The following ITPR1 variants were observed in gnomAD, a reference collection of about 807,000 sequenced individuals.
The protein encoded by ITPR1 is inositol 1,4,5-trisphosphate-gated calcium channel ITPR1.
ITPR1 carries 96 observed loss-of-function variants against 318.4 expected under a neutral mutation model. That is an observed-to-expected ratio of 0.30 (90% confidence interval 0.26 to 0.36). The LOEUF is 0.36. Among genes scored for constraint, ITPR1 ranks in the 10% least tolerant of loss-of-function variants. The pLI, the probability that ITPR1 is intolerant of heterozygous loss-of-function variation, is 1.00. For missense variants in ITPR1, 2,440 were observed against 3,460.2 expected (o/e 0.71, Z 7.40); for synonymous variants, 1,312 against 1,289.9 (o/e 1.02, Z -0.37).
intron 5 of ITPR1, among the ~76,000 whole-genome samples, chr3:4,635,218 A>G (rs1009186286): frequency 6.6e-6 from 1 of 152,280 alleles, no homozygotes; most frequent in Admixed American, 6.5e-5. Context: ...TTGTCCTCTT[A>G]GGAGAAACTC....
intron 4 of ITPR1, among the ~76,000 whole-genome samples, chr3:4,554,264 G>C (rs930842477): frequency 6.6e-6 from 1 of 152,200 alleles, no homozygotes; most frequent in Non-Finnish European, 1.5e-5. Context: ...ACTGATACCT[G>C]TGAGCTTAGC....
chr3:4,831,838 A>G (rs1213692158), intron 60 of ITPR1, among the ~76,000 whole-genome samples: 2 of 152,198 alleles, frequency 1.3e-5, no homozygotes, highest in African/African-American at 4.8e-5. Flanking sequence ...AAGTAATTGG[A>G]TTCAGGTGTT....
Position 4,645,406 on chromosome 3 carries a change from A to T in ITPR1, c.644A>T (p.Asn215Ile), listed in dbSNP as rs746335691. 6.2e-7 allele frequency: 1 copy of T among 1,613,240 alleles called. No homozygotes were observed. Among genetic ancestry groups the T allele is most frequent in the South Asian group, 1.1e-5 (1 of 90,992 alleles). ...GCNEVNSVNC[N>I]TSWKIVLFMK... ...TTTCAGGTCAATTCCGTCAACTGCA[A>T]TACAAGCTGGAAAATAGTCCTTTTC... The change falls in exon 9 of 62, where the codon AAT (asparagine) becomes ATT (isoleucine). Residue 215 changes from asparagine to isoleucine, a missense_variant. Asn to Ile is a moderately radical substitution (Grantham distance 149, BLOSUM62 -3). This residue lies in a region of ITPR1 where 186 missense variants were observed against 323.9 expected (regional missense o/e 0.57). Coordinates refer to ENST00000649015, the MANE Select transcript of ITPR1 (RefSeq NM_001378452.1).
At chr3:4,659,900 C>G (rs564504123) in intron 13 of ITPR1, among the ~76,000 whole-genome samples, 18 of 152,030 alleles carry the variant, frequency 1.2e-4, no homozygotes, top group African/African-American at 4.3e-4. Flanking sequence ...ATTAACTAGT[C>G]CATTATTGAG....
intron 37 of ITPR1, among the ~76,000 whole-genome samples, chr3:4,709,491 T>G (rs1203980680): frequency 6.6e-6 from 1 of 152,262 alleles, no homozygotes; most frequent in Non-Finnish European, 1.5e-5. Context: ...CAGGCCTTCC[T>G]GTATTATCCA....
intron 38 of ITPR1, chr3:4,711,523 G>C (rs898372184): frequency 2.8e-5 from 14 of 494,828 alleles, no homozygotes; most frequent in Non-Finnish European, 4.7e-5. Flanking sequence ...ATTGTATGTG[G>C]CTGACTCCTG....
rs760519532 is a variant in ITPR1 at position 4,516,456 on chromosome 3, G to A, written c.-16-20G>A. 1.3e-5 allele frequency: 16 copies of A among 1,217,194 alleles called. No individual in the cohort carries two copies. The highest frequency in any genetic ancestry group is 1.6e-5 in the African/African-American group (1 of 63,870). The allele number at this position is 1,217,194 out of a possible 1,614,324, so 75.4% of individuals were successfully genotyped here. On this transcript the variant is annotated intron_variant, in intron 2 of 61. Coordinates refer to ENST00000649015, the MANE Select transcript of ITPR1 (RefSeq NM_001378452.1). ...ACATTTCTTTTCTTCTAACAATGCT[G>A]CATATTTTACTTTGTCTAGGATTTT...
At chr3:4,626,061 TC>T (rs2092816067) in intron 4 of ITPR1, among the ~76,000 whole-genome samples, 1 of 152,054 alleles carries the variant, frequency 6.6e-6, no homozygotes, top group Admixed American at 6.5e-5. Context: ...ATGGCTTCAG[TC>T]CAGGAGTTCC....
chr3:4,748,376 A>G (rs1309526911), intron 44 of ITPR1, among the ~76,000 whole-genome samples: 1 of 152,186 alleles, frequency 6.6e-6, no homozygotes, highest in African/African-American at 2.4e-5. Flanking sequence ...CTGAGAAGCA[A>G]GTAGTCACTG....
intron 4 of ITPR1, among the ~76,000 whole-genome samples, chr3:4,595,452 C>T (rs547642649): frequency 6.6e-6 from 1 of 152,292 alleles, no homozygotes; most frequent in East Asian, 1.9e-4. Flanking sequence ...AGGATCCACC[C>T]CTGTGATCCA....
intron 5 of ITPR1, 58 bp downstream of exon 5, chr3:4,627,936 T>G (rs2092892344): frequency 9.5e-7 from 1 of 1,048,268 alleles, no homozygotes; most frequent in Non-Finnish European, 1.4e-6. Flanking sequence ...CTTGGTGGTA[T>G]CTGGGTGTAA....
intron 4 of ITPR1, among the ~76,000 whole-genome samples, chr3:4,612,732 C>T (rs2092209739): frequency 6.6e-6 from 1 of 151,970 alleles, no homozygotes; most frequent in African/African-American, 2.4e-5. Flanking sequence ...ACTAAAAATA[C>T]AAAAATTAGC....
intron 60 of ITPR1, among the ~76,000 whole-genome samples, chr3:4,820,000 G>A (rs576982340): frequency 8.5e-5 from 13 of 152,290 alleles, no homozygotes; most frequent in Non-Finnish European, 1.5e-4. Flanking sequence ...TAATCATGTC[G>A]TTGATAGGAA....
rs2081969417 is a variant in ITPR1 at position 4,513,342 on chromosome 3, G to A, written c.-16-3134G>A. Among the ~76,000 whole-genome samples the A allele has an allele frequency of 2.0e-5, 3 of 152,196 alleles. No individual in the cohort carries two copies. The South Asian group carries it at 6.2e-4, about 32-fold the overall frequency. ...TCTCCTTCCTCCACTTCACTAAGGC[G>A]AGGCCGGAGGAGATCTCCAGAGGTT... On this transcript the variant is annotated intron_variant, in intron 2 of 61. Transcript: ENST00000649015.
At chr3:4,592,908 C>T (rs1448910046) in intron 4 of ITPR1, among the ~76,000 whole-genome samples, 1 of 152,044 alleles carries the variant, frequency 6.6e-6, no homozygotes, top group Non-Finnish European at 1.5e-5. Flanking sequence ...GAGACTGGTT[C>T]CCTTAGGAAA....
intron 60 of ITPR1, among the ~76,000 whole-genome samples, chr3:4,836,375 T>C (rs1419882484): frequency 6.6e-6 from 1 of 152,148 alleles, no homozygotes; most frequent in Non-Finnish European, 1.5e-5. Context: ...GCCACTAAAC[T>C]GTATGCTTAA....
In ITPR1 at chr3:4,667,397, T is replaced by C. The variant is rs1013609203; in HGVS notation, c.1734T>C (p.Phe578=). The change falls in exon 18 of 62, where the codon TTT becomes TTC. Residue 578 remains phenylalanine (F), a synonymous_variant. Transcript: ENST00000649015. ...RKNQEYIAKQ[F]GFMQKQIGYD... Reference sequence around the variant, plus strand: ...TAAAGGAGTATATAGCCAAGCAGTTTGGCTTCATGCAGAAGCAGATTGGCT... The same window carrying C: ...TAAAGGAGTATATAGCCAAGCAGTTCGGCTTCATGCAGAAGCAGATTGGCT... 1.8e-5 allele frequency: 29 copies of C among 1,610,866 alleles called. No individual in the cohort carries two copies. Among genetic ancestry groups the C allele is most frequent in the Non-Finnish European group, 2.2e-5 (26 of 1,178,480 alleles).
chr3:4,840,289 A>G (rs2051248149), intron 61 of ITPR1, among the ~76,000 whole-genome samples: 1 of 152,158 alleles, frequency 6.6e-6, no homozygotes, highest in Non-Finnish European at 1.5e-5. Context: ...AGTAATTGTG[A>G]GAATTCTTGC....
intron 43 of ITPR1, 110 bp downstream of exon 43, chr3:4,733,330 C>T (rs1472068272): frequency 1.5e-6 from 2 of 1,312,854 alleles, no homozygotes; most frequent in Non-Finnish European, 2.1e-6. Context: ...ATTTGTGTTG[C>T]AGGTGTATTT....
Sources: allele counts gnomAD v4.1 joint callset (sites outside exome capture counted in the v4.1 genomes callset), GRCh38; gene constraint gnomAD v4.1.1; regional missense constraint gnomAD v4.1.1; transcripts MANE v1.5; gene names NCBI Gene and HGNC (gene_info 2026-07-23, HGNC 2026-07-21).